NFIA: variants seen among roughly 807,000 people sequenced by gnomAD.
NFIA encodes nuclear factor I A, also known as nuclear factor 1 A-type.
Under a neutral mutation model 62.8 loss-of-function variants are expected in NFIA, and 8 were observed. The ratio of observed to expected loss-of-function variants is 0.13; its 90% CI spans 0.07 to 0.23. The LOEUF is 0.23. NFIA is among the 10% of genes least tolerant of loss of function. The pLI, the probability that NFIA is intolerant of heterozygous loss-of-function variation, is 1.00. For synonymous variants in NFIA, 235 were observed against 238.1 expected (o/e 0.99, Z 0.12); for missense variants, 410 against 642.1 (o/e 0.64, Z 3.91).
intron 7 of NFIA, among the ~76,000 whole-genome samples, chr1:61,389,063 A>C (rs185398528): frequency 6.6e-6 from 1 of 152,218 alleles, no homozygotes; most frequent in East Asian, 1.9e-4. Flanking sequence ...GCAGTGAGCT[A>C]TGACGGCACT....
chr1:61,173,759 G>T (rs970623857), intron 2 of NFIA, among the ~76,000 whole-genome samples: 3 of 152,098 alleles, frequency 2.0e-5, no homozygotes, highest in African/African-American at 7.2e-5. Flanking sequence ...GAGAATGAGG[G>T]TACATGCCAC....
chr1:61,259,682 A>G (rs1656636055), intron 2 of NFIA, among the ~76,000 whole-genome samples: 1 of 152,274 alleles, frequency 6.6e-6, no homozygotes, highest in Non-Finnish European at 1.5e-5. Flanking sequence ...TGTGACTAAC[A>G]GAGATTGGGA....
chr1:61,082,762 C>T lies in NFIA; in HGVS notation c.-30C>T. The T allele has an allele frequency of 6.4e-7, 1 of 1,553,104 alleles. No individual in the cohort carries two copies. The highest frequency in any genetic ancestry group is 8.7e-7 in the Non-Finnish European group (1 of 1,147,714). ...CACACCTCCAAACCGCACACCCAGA[C>T]GCACACGCATACCCCAGCGCCCGGC... is the stretch of plus-strand genomic sequence containing the variant. On this transcript the variant is annotated 5_prime_UTR_variant, in exon 1 of 11. It adds an upstream start codon to the 5' untranslated region. Transcript: ENST00000403491.
rs1367208990 is a variant in NFIA, at chr1:61,332,579, G to A, written c.693G>A (p.Val231=). ...TTAGTGTCACTGAGCTAGTAAGAGTGTCACAGAGTAAGTATAATTTTGCTT... is the reference window on the plus strand; with the variant it reads ...TTAGTGTCACTGAGCTAGTAAGAGTATCACAGAGTAAGTATAATTTTGCTT... ...GVFSVTELVR[V]SQTPIAAGTG... is the part of the protein sequence containing the mutation. Residue 231 remains valine (V), a synonymous_variant, in exon 4 of 11, where the codon GTG becomes GTA. Transcript: ENST00000403491. The A allele has an allele frequency of 3.1e-6, 5 of 1,613,792 alleles. No individual in the cohort carries two copies. Among genetic ancestry groups the A allele is most frequent in the South Asian group, 2.2e-5 (2 of 91,064 alleles).
At chr1:61,402,820 T>C (rs1313882463) in intron 7 of NFIA, among the ~76,000 whole-genome samples, 2 of 152,222 alleles carry the variant, frequency 1.3e-5, no homozygotes, top group East Asian at 1.9e-4. Flanking sequence ...TCCAGTCTTT[T>C]TGAAAACTAC....
intron 3 of NFIA, among the ~76,000 whole-genome samples, chr1:61,295,841 C>T (rs1405239402): frequency 6.6e-6 from 1 of 152,190 alleles, no homozygotes; most frequent in Admixed American, 6.5e-5. Context: ...TTAGGAATTC[C>T]TTCATTTCCA....
intron 2 of NFIA, among the ~76,000 whole-genome samples, chr1:61,139,764 T>G (rs1647360122): frequency 6.6e-6 from 1 of 151,554 alleles, no homozygotes; most frequent in African/African-American, 2.4e-5. Flanking sequence ...TTTAAAAGAC[T>G]ATGTCATGAG....
intron 2 of NFIA, among the ~76,000 whole-genome samples, chr1:61,264,741 G>A (rs76015707): frequency 6.7e-6 from 1 of 149,714 alleles, no homozygotes; most frequent in African/African-American, 2.5e-5. Flanking sequence ...GTCCTTATAC[G>A]AAGACAATTT....
At chr1:61,227,240 G>A (rs1166112218) in intron 2 of NFIA, among the ~76,000 whole-genome samples, 1 of 152,190 alleles carries the variant, frequency 6.6e-6, no homozygotes, top group East Asian at 1.9e-4. Context: ...TTTGCCGCTG[G>A]TTTCAATTTT....
At chr1:61,445,967 C>T (rs1667790807) in intron 10 of NFIA, among the ~76,000 whole-genome samples, 1 of 151,990 alleles carries the variant, frequency 6.6e-6, no homozygotes, top group Non-Finnish European at 1.5e-5. Flanking sequence ...ATTCTGACCT[C>T]AATGAAAGAT....
At chr1:61,329,049 CTTT>C (rs369972455) in intron 3 of NFIA, among the ~76,000 whole-genome samples, 3 of 122,430 alleles carry the variant, frequency 2.5e-5, no homozygotes, top group African/African-American at 3.0e-5. Context: ...TTCTTTTTTT[CTTT>C]TTTTTTTTTT....
intron 7 of NFIA, among the ~76,000 whole-genome samples, chr1:61,386,751 G>A (rs367985382): frequency 1.9e-4 from 29 of 152,348 alleles, no homozygotes; most frequent in African/African-American, 7.0e-4. Flanking sequence ...ACAGGGCGTT[G>A]AAGGGAGGTA....
intron 4 of NFIA, among the ~76,000 whole-genome samples, chr1:61,347,436 G>A (rs528757541): frequency 6.6e-6 from 1 of 152,150 alleles, no homozygotes; most frequent in East Asian, 1.9e-4. Flanking sequence ...GCCTCCCAAA[G>A]TGCTGGGATT....
intron 10 of NFIA, among the ~76,000 whole-genome samples, chr1:61,428,434 A>G (rs141790827): frequency 3.3e-4 from 49 of 150,570 alleles, no homozygotes; most frequent in Non-Finnish European, 6.8e-4. Flanking sequence ...CATGGGGACA[A>G]CAGCTTAAAT....
At chr1:61,346,395 C>T (rs775236402) in intron 4 of NFIA, among the ~76,000 whole-genome samples, 1 of 152,210 alleles carries the variant, frequency 6.6e-6, no homozygotes, top group African/African-American at 2.4e-5. Flanking sequence ...AATCATTTAA[C>T]CTTCCACAAC....
intron 2 of NFIA, among the ~76,000 whole-genome samples, chr1:61,162,366 CTG>C (rs1347271329): frequency 2.6e-5 from 4 of 152,316 alleles, no homozygotes; most frequent in Admixed American, 2.6e-4. Flanking sequence ...CTGGGGGAAA[CTG>C]TGCACGTAGT....
chr1:61,339,544 C>T (rs1463090066), intron 4 of NFIA, among the ~76,000 whole-genome samples: 1 of 152,122 alleles, frequency 6.6e-6, no homozygotes, highest in Non-Finnish European at 1.5e-5. Context: ...AACAGTCTGG[C>T]TGGCTTAATT....
intron 3 of NFIA, among the ~76,000 whole-genome samples, chr1:61,291,198 C>T (rs944813291): frequency 2.0e-5 from 3 of 152,128 alleles, no homozygotes; most frequent in Admixed American, 6.5e-5. Flanking sequence ...AGGTGCTGCC[C>T]GTCATCTCCA....
At chr1:61,450,905 C>T (rs1557449373) in intron 10 of NFIA, among the ~76,000 whole-genome samples, 2 of 152,164 alleles carry the variant, frequency 1.3e-5, no homozygotes, top group Admixed American at 1.3e-4. Context: ...GAATGTGCAT[C>T]CTGCCCTCTT....
Sources: allele counts gnomAD v4.1 joint callset (sites outside exome capture counted in the v4.1 genomes callset), GRCh38; gene constraint gnomAD v4.1.1; transcripts MANE v1.5; gene names NCBI Gene and HGNC (gene_info 2026-07-23, HGNC 2026-07-21).